REPS2: variants seen among roughly 807,000 people sequenced by gnomAD.
The protein encoded by REPS2 is ralBP1-associated Eps domain-containing protein 2.
Under a neutral mutation model 53.6 loss-of-function variants are expected in REPS2, and 23 were observed. The observed-to-expected ratio is 0.43, with a 90% CI of 0.31 to 0.61. The LOEUF is 0.61. Ranked by LOEUF, REPS2 falls within the 20% of genes least tolerant of loss-of-function variation. The pLI is 0.11. For missense variants in REPS2, 446 were observed against 534.9 expected (o/e 0.83, Z 1.64); for synonymous variants, 238 against 218.6 (o/e 1.09, Z -0.78).
chrX:17,139,346 C>T (rs1192903924), intron 17 of REPS2, among the ~76,000 whole-genome samples: 19 of 111,677 alleles, frequency 1.7e-4, no homozygotes, highest in Non-Finnish European at 5.7e-5. Context: ...TCCAAAGCTT[C>T]TGGGTAAGCC....
chrX:16,993,213 T>A (rs1202898935), intron 1 of REPS2, among the ~76,000 whole-genome samples: 1 of 112,121 alleles, frequency 8.9e-6, no homozygotes, highest in Non-Finnish European at 1.9e-5. Flanking sequence ...GAGTACAGAT[T>A]CTAGGTATAT....
intron 9 of REPS2, among the ~76,000 whole-genome samples, chrX:17,068,175 G>T (rs762194151): frequency 1.8e-5 from 2 of 110,220 alleles, no homozygotes; most frequent in African/African-American, 6.6e-5. Flanking sequence ...TTAGCCAGGC[G>T]TGGTGGCGGG....
rs554330371 is a variant in REPS2 at position 16,976,956 on chromosome X, C to G, written c.274-29265C>G. ...GAGCAGATTCCTTGGTTCAGATGGTCTGTAATAGGAGACACCAGGACAAGC... is the reference window on the plus strand; with the variant it reads ...GAGCAGATTCCTTGGTTCAGATGGTGTGTAATAGGAGACACCAGGACAAGC... On this transcript the variant is annotated intron_variant, in intron 1 of 17. Coordinates refer to ENST00000357277, the MANE Select transcript of REPS2 (RefSeq NM_004726.3). Among the ~76,000 whole-genome samples the G allele has an allele frequency of 2.0e-4, 22 of 111,561 alleles. No individual in the cohort carries two copies. The South Asian group carries it at 7.7e-3, about 39-fold the overall frequency.
At chrX:17,121,717 CTT>C (rs1245051273) in intron 14 of REPS2, among the ~76,000 whole-genome samples, 2 of 106,269 alleles carry the variant, frequency 1.9e-5, no homozygotes, top group African/African-American at 3.4e-5. Flanking sequence ...ATTTTTAAAA[CTT>C]TTTTTTTTTT....
At chrX:17,093,166 C>CCATATATATA (rs2062641320) in intron 13 of REPS2, among the ~76,000 whole-genome samples, 2 of 39,122 alleles carry the variant, frequency 5.1e-5, no homozygotes, top group African/African-American at 1.2e-4. Flanking sequence ...TGAGTTAATG[C>CCATATATATA]TATATATATA....
At chrX:16,954,523 C>T (rs1237779120) in intron 1 of REPS2, among the ~76,000 whole-genome samples, 1 of 111,434 alleles carries the variant, frequency 9.0e-6, no homozygotes, top group Non-Finnish European at 1.9e-5. Flanking sequence ...TTAGGTTGGC[C>T]AGAAAAGGTA....
chrX:17,054,894 G>A lies in REPS2; in HGVS notation c.1058G>A (p.Gly353Asp). 3 of 1,211,585 alleles carry A rather than the reference G, an allele frequency of 2.5e-6. No individual in the cohort carries two copies. In the South Asian group the frequency reaches 5.3e-5, roughly 21 times the overall value. ...CATCTCATTGTGGCTCGGAAGAACGGCTACCCATTGCCTGAGGGCCTCCCT... is the reference window on the plus strand; with the variant it reads ...CATCTCATTGTGGCTCGGAAGAACGACTACCCATTGCCTGAGGGCCTCCCT... Reference protein sequence around the residue: ...AFHLIVARKNGYPLPEGLPPT... With the variant: ...AFHLIVARKNDYPLPEGLPPT... Residue 353 changes from glycine to aspartate, a missense_variant, in exon 8 of 18, where the codon GGC becomes GAC. Physicochemically the swap from Gly to Asp is moderately conservative, Grantham distance 94. Transcript: ENST00000357277.
intron 1 of REPS2, among the ~76,000 whole-genome samples, chrX:16,964,746 G>T (rs1455355386): frequency 1.1e-5 from 1 of 95,003 alleles, no homozygotes; most frequent in African/African-American, 3.9e-5. Flanking sequence ...GGGCAGAGGC[G>T]CCCCTCACCT....
intron 1 of REPS2, among the ~76,000 whole-genome samples, chrX:16,998,108 G>A (rs1437657408): frequency 1.8e-5 from 2 of 111,683 alleles, no homozygotes; most frequent in Non-Finnish European, 3.8e-5. Context: ...GTAGCCAGGT[G>A]TGATGGCACT....
chrX:17,059,696 G>A (rs1433395486), intron 8 of REPS2, among the ~76,000 whole-genome samples: 4 of 109,496 alleles, frequency 3.7e-5, no homozygotes, highest in African/African-American at 1.3e-4. Context: ...TGAATTTCTG[G>A]CCTCAAGTGA....
intron 1 of REPS2, among the ~76,000 whole-genome samples, chrX:16,948,344 G>C (rs1452694067): frequency 1.8e-5 from 2 of 112,564 alleles, no homozygotes; most frequent in Non-Finnish European, 3.8e-5. Context: ...AGTATTCACA[G>C]AACTTAGCAT....
chrX:16,968,403 T>A (rs1273071827), intron 1 of REPS2, among the ~76,000 whole-genome samples: 2 of 112,270 alleles, frequency 1.8e-5, no homozygotes, highest in African/African-American at 6.5e-5. Context: ...GCTCCTCACT[T>A]CCCAGTAGGG....
chrX:17,062,984 A>G (rs1360620877), intron 9 of REPS2, among the ~76,000 whole-genome samples: 1 of 112,018 alleles, frequency 8.9e-6, no homozygotes, highest in Non-Finnish European at 1.9e-5. Flanking sequence ...CCCAAATCAC[A>G]TTCGGAACTC....
the REPS2 span, among the ~76,000 whole-genome samples, chrX:17,183,476 A>T: frequency 2.0e-4 from 22 of 112,645 alleles, no homozygotes; most frequent in South Asian, 7.7e-3. Flanking sequence ...CCTAAAGTTT[A>T]TTAGACCCAT....
chrX:16,986,836 C>T (rs191061718), intron 1 of REPS2, among the ~76,000 whole-genome samples: 138 of 109,586 alleles, frequency 1.3e-3, no homozygotes, highest in Non-Finnish European at 2.1e-3. Flanking sequence ...CTAGGGGGAG[C>T]GGGGGATGGT....
intron 6 of REPS2, 115 bp downstream of exon 6, chrX:17,047,597 C>A: frequency 2.1e-6 from 2 of 950,923 alleles, no homozygotes; most frequent in Non-Finnish European, 2.9e-6. Flanking sequence ...TGTTTTTCAT[C>A]TAAAGTCGAA....
At chrX:17,052,478 C>T (rs766821210) in intron 7 of REPS2, 33 bp downstream of exon 7, 3 of 1,061,605 alleles carry the variant, frequency 2.8e-6, no homozygotes, top group African/African-American at 3.7e-5. Flanking sequence ...GACATTCATA[C>T]CATCATCCAT....
intron 16 of REPS2, 145 bp downstream of exon 16, chrX:17,135,551 C>A: frequency 2.8e-6 from 2 of 706,211 alleles, no homozygotes; most frequent in African/African-American, 2.2e-5. Context: ...TGATGGGATT[C>A]AAGTCTCCCA....
At position 17,149,988 on chromosome X, in the gene REPS2, C is replaced by T. The variant is rs1397015208; in HGVS notation, c.*2507C>T. The T allele has an allele frequency of 1.8e-5, 2 of 111,650 alleles. No individual in the cohort carries two copies. The highest frequency in any genetic ancestry group is 6.5e-5 in the African/African-American group (2 of 30,657). 9.2% of individuals were successfully genotyped at this position (111,650 alleles called of 1,213,427 possible). Reference sequence around the variant, plus strand: ...CGAGCACACACTAATAATATCTATGCCTACCTTCTTGGGTGGACTCAACTG... The same window carrying T: ...CGAGCACACACTAATAATATCTATGTCTACCTTCTTGGGTGGACTCAACTG... On this transcript the variant is annotated 3_prime_UTR_variant, in exon 18 of 18. Coordinates refer to ENST00000357277, the MANE Select transcript of REPS2 (RefSeq NM_004726.3).
Sources: allele counts gnomAD v4.1 joint callset (sites outside exome capture counted in the v4.1 genomes callset), GRCh38; gene constraint gnomAD v4.1.1; transcripts MANE v1.5; gene names NCBI Gene and HGNC (gene_info 2026-07-23, HGNC 2026-07-21).